GPC5: variants seen among roughly 807,000 people sequenced by gnomAD.
The protein encoded by GPC5 is glypican 5, also known as glypican-5.
A neutral mutation model predicts 53.9 loss-of-function variants in GPC5; 47 were observed. That is an observed-to-expected ratio of 0.87 (90% confidence interval 0.69 to 1.11). GPC5 has a LOEUF of 1.11. Among genes scored for constraint, GPC5 ranks in the 50% most tolerant of loss-of-function variants. The pLI is 0.00. For synonymous variants in GPC5, 286 were observed against 263.3 expected (o/e 1.09, Z -0.84); for missense variants, 748 against 713.1 (o/e 1.05, Z -0.56).
At chr13:92,049,544 G>C (rs1260275927) in intron 6 of GPC5, among the ~76,000 whole-genome samples, 1 of 152,016 alleles carries the variant, frequency 6.6e-6, no homozygotes, top group Non-Finnish European at 1.5e-5. Context: ...TATCAATTCT[G>C]CTTAGCTTTT....
chr13:91,578,168 A>G (rs921262238), intron 2 of GPC5, among the ~76,000 whole-genome samples: 3 of 152,158 alleles, frequency 2.0e-5, no homozygotes, highest in African/African-American at 7.2e-5. Context: ...GCCAACAGCC[A>G]TGCAAGTGAG....
chr13:92,429,923 A>G lies in GPC5; in HGVS notation c.1561+284934A>G, dbSNP rs142409733. On this transcript the variant is annotated intron_variant, in intron 7 of 7. Coordinates refer to ENST00000377067, the MANE Select transcript of GPC5 (RefSeq NM_004466.6). ...AGATCTATTGTACAACATGGTGACT[A>G]TTTAATAACAGGTATTATGTACTTG... Among the ~76,000 whole-genome samples the G allele has an allele frequency of 1.6e-4, 24 of 152,218 alleles. No individual in the cohort carries two copies. The East Asian group carries it at 4.6e-3, about 29-fold the overall frequency.
intron 1 of GPC5, among the ~76,000 whole-genome samples, chr13:91,403,725 G>A (rs1405548483): frequency 6.6e-6 from 1 of 152,184 alleles, no homozygotes; most frequent in African/African-American, 2.4e-5. Flanking sequence ...GTGCTTTGAT[G>A]TCTAAGAGAA....
chr13:92,299,128 A>G (rs2043058482), intron 7 of GPC5, among the ~76,000 whole-genome samples: 1 of 152,208 alleles, frequency 6.6e-6, no homozygotes, highest in African/African-American at 2.4e-5. Flanking sequence ...AAATGGAAAT[A>G]AAAGTTTGAA....
At chr13:91,874,294 T>A (rs1566316034) in intron 5 of GPC5, among the ~76,000 whole-genome samples, 3 of 152,162 alleles carry the variant, frequency 2.0e-5, no homozygotes, top group Admixed American at 6.5e-5. Context: ...TCAAGGCATA[T>A]GCATGGCCTT....
chr13:92,188,041 C>G lies in GPC5; in HGVS notation c.1561+43052C>G, dbSNP rs115180608. On this transcript the variant is annotated intron_variant, in intron 7 of 7. Coordinates refer to ENST00000377067, the MANE Select transcript of GPC5 (RefSeq NM_004466.6). ...TTATTTATGTTGTGATATGACAGTA[C>G]CTACTTTGGCTTTTTTTTTCTCTCT... 6.5e-3 allele frequency among the ~76,000 whole-genome samples: 986 copies of G among 152,198 alleles called. 12 individuals are homozygous for G. Among genetic ancestry groups the G allele is most frequent in the African/African-American group, 0.023 (953 of 41,536 alleles).
intron 7 of GPC5, among the ~76,000 whole-genome samples, chr13:92,207,076 TTTG>T (rs1349570852): frequency 1.3e-5 from 2 of 152,234 alleles, no homozygotes; most frequent in African/African-American, 4.8e-5. Flanking sequence ...CTTCACTTCA[TTTG>T]TTATTTAATT....
Position 92,381,729 on chromosome 13 carries a change from T to G in GPC5, c.1561+236740T>G, listed in dbSNP as rs563170819. Among the ~76,000 whole-genome samples, 16 of 151,414 alleles carry G rather than the reference T, an allele frequency of 1.1e-4. No individual in the cohort carries two copies. In the East Asian group the frequency reaches 3.1e-3, roughly 29 times the overall value. On this transcript the variant is annotated intron_variant, in intron 7 of 7. Coordinates refer to ENST00000377067, the MANE Select transcript of GPC5 (RefSeq NM_004466.6). ...TATTTATAGCAGCACAATTCACAAT[T>G]GCAAAATCGCAGAACCAGCCCAAAT...
chr13:92,614,070 T>C (rs1285056906), intron 7 of GPC5, among the ~76,000 whole-genome samples: 2 of 152,090 alleles, frequency 1.3e-5, no homozygotes, highest in African/African-American at 4.8e-5. Flanking sequence ...AGAATGATTT[T>C]ATGCAAGAAT....
chr13:91,949,001 A>G (rs1249414450), intron 6 of GPC5, among the ~76,000 whole-genome samples: 1 of 152,216 alleles, frequency 6.6e-6, no homozygotes, highest in Non-Finnish European at 1.5e-5. Context: ...ACCAGATGGT[A>G]CTTAGCTCCA....
At chr13:92,057,866 G>A (rs986465333) in intron 6 of GPC5, among the ~76,000 whole-genome samples, 15 of 151,986 alleles carry the variant, frequency 9.9e-5, no homozygotes, top group Admixed American at 3.9e-4. Context: ...AACCTGTAAA[G>A]CAGATTGTTT....
intron 7 of GPC5, among the ~76,000 whole-genome samples, chr13:92,394,449 G>A (rs532232274): frequency 6.6e-6 from 1 of 152,218 alleles, no homozygotes; most frequent in South Asian, 2.1e-4. Flanking sequence ...ACCCCAGAGA[G>A]CACTTTAGCT....
intron 7 of GPC5, among the ~76,000 whole-genome samples, chr13:92,788,578 T>C (rs569488781): frequency 1.7e-3 from 256 of 152,336 alleles, no homozygotes; most frequent in Non-Finnish European, 2.9e-3. Context: ...TGGGAAATAA[T>C]CTTTCAAGAG....
chr13:92,275,894 T>C (rs1336853835), intron 7 of GPC5, among the ~76,000 whole-genome samples: 1 of 152,160 alleles, frequency 6.6e-6, no homozygotes, highest in Admixed American at 6.6e-5. Flanking sequence ...CATTTGCAAT[T>C]CTTTGTTGGG....
chr13:92,821,299 T>G (rs1167362587), intron 7 of GPC5, among the ~76,000 whole-genome samples: 1 of 152,220 alleles, frequency 6.6e-6, no homozygotes, highest in Non-Finnish European at 1.5e-5. Context: ...ATATTTTATC[T>G]GTATTCCTAC....
At chr13:91,715,515 T>A (rs1276417234) in intron 3 of GPC5, among the ~76,000 whole-genome samples, 1 of 152,136 alleles carries the variant, frequency 6.6e-6, no homozygotes, top group Non-Finnish European at 1.5e-5. Flanking sequence ...TGTAAATACA[T>A]GTGTTTGTAA....
At chr13:92,077,982 TATAC>T (rs61560752) in intron 6 of GPC5, among the ~76,000 whole-genome samples, 65,052 of 151,140 alleles carry the variant, frequency 0.43, 15,506 homozygotes, top group East Asian at 0.79. Context: ...GATAGATAGA[TATAC>T]ATACATACAT....
At position 92,541,482 on chromosome 13, in the gene GPC5, T is replaced by C. The variant is rs550833806; in HGVS notation, c.1562-324800T>C. On this transcript the variant is annotated intron_variant, in intron 7 of 7. Coordinates refer to ENST00000377067, the MANE Select transcript of GPC5 (RefSeq NM_004466.6). ...GTTCCTTTCTTTGTGTTGTGCCTGT[T>C]AAATTCTTTTTACTCAACTTCATTT... Among the ~76,000 whole-genome samples, 8 of 152,046 alleles carry C rather than the reference T, an allele frequency of 5.3e-5. 1 individual carries two copies. Among genetic ancestry groups the C allele is most frequent in the African/African-American group, 1.9e-4 (8 of 41,562 alleles).
At chr13:92,119,353 AATC>A (rs1022182886) in intron 6 of GPC5, among the ~76,000 whole-genome samples, 7 of 151,416 alleles carry the variant, frequency 4.6e-5, no homozygotes, top group African/African-American at 1.5e-4. Flanking sequence ...AACACAGTCA[AATC>A]ATATCACCTA....
Sources: gnomAD v4.1 joint callset for allele counts (sites outside exome capture counted in the v4.1 genomes callset) on GRCh38, gnomAD v4.1.1 for gene constraint, MANE v1.5 for transcripts, NCBI Gene and HGNC (gene_info 2026-07-23, HGNC 2026-07-21) for gene names.